LRRC63: variants seen among roughly 807,000 people sequenced by gnomAD.
LRRC63 encodes leucine rich repeat containing 63, also known as leucine-rich repeat-containing protein 63.
A neutral mutation model predicts 49.5 loss-of-function variants in LRRC63; 40 were observed. That is an observed-to-expected ratio of 0.81 (90% CI 0.63 to 1.05). The LOEUF is 1.05. Among genes scored for constraint, LRRC63 ranks in the 50% least tolerant of loss-of-function variants. LRRC63 has a pLI of 0.00. For synonymous variants in LRRC63, 191 were observed against 221.1 expected (o/e 0.86, Z 1.21); for missense variants, 636 against 663.1 (o/e 0.96, Z 0.45).
At position 46,255,643 on chromosome 13, in the gene LRRC63, C is replaced by CAAAAAAAAAAA. The variant is rs1445296831; in HGVS notation, c.1226+5155_1226+5156insAAAAAAAAAAA. Among the ~76,000 whole-genome samples the CAAAAAAAAAAA allele has an allele frequency of 1.2e-3, 118 of 95,670 alleles. 1 individual carries two copies. Among genetic ancestry groups the CAAAAAAAAAAA allele is most frequent in the African/African-American group, 7.1e-3 (114 of 16,164 alleles). 62.8% of individuals were successfully genotyped at this position (95,670 alleles called of 152,430 possible). A position where few individuals can be genotyped will look rare whatever the true frequency, so the allele number is the denominator to read the frequency against. ...TGGGCAACAGAGTAAGACCCTGCCT[C>CAAAAAAAAAAA]AAATATATATATATATATATATAGT... On this transcript the variant is annotated intron_variant, in intron 7 of 9. Transcript: ENST00000595396.
intron 2 of LRRC63, among the ~76,000 whole-genome samples, chr13:46,226,457 T>C (rs2046579201): frequency 6.6e-6 from 1 of 152,238 alleles, no homozygotes; most frequent in South Asian, 2.1e-4. Flanking sequence ...GATTCTCTTA[T>C]ATTACTCTGA....
intron 7 of LRRC63, among the ~76,000 whole-genome samples, chr13:46,259,566 A>G (rs1189952376): frequency 6.6e-6 from 1 of 152,228 alleles, no homozygotes; most frequent in African/African-American, 2.4e-5. Context: ...AGAACCGAAC[A>G]GCCTATTTGA....
At chr13:46,276,929 C>T (rs1342628794) in exon 10 of LRRC63, 1 of 156,770 alleles carries the variant, frequency 6.4e-6, no homozygotes, top group African/African-American at 2.6e-5. Flanking sequence ...TATATATCTG[C>T]ATATAGTAAT....
intron 8 of LRRC63, among the ~76,000 whole-genome samples, chr13:46,264,373 G>A (rs1284130560): frequency 6.6e-6 from 1 of 151,866 alleles, no homozygotes; most frequent in Non-Finnish European, 1.5e-5. Flanking sequence ...TTACATGTTA[G>A]GTCTCCTAGA....
At chr13:46,275,378 T>C (rs1362767006) in intron 9 of LRRC63, among the ~76,000 whole-genome samples, 1 of 152,162 alleles carries the variant, frequency 6.6e-6, no homozygotes, top group Non-Finnish European at 1.5e-5. Flanking sequence ...TTATTTTTAG[T>C]TTTTTGAGAA....
intron 9 of LRRC63, among the ~76,000 whole-genome samples, chr13:46,267,503 G>A (rs2047699493): frequency 6.6e-6 from 1 of 152,170 alleles, no homozygotes; most frequent in South Asian, 2.1e-4. Context: ...GGTAGAAGAC[G>A]ATTTTCATTG....
At chr13:46,228,558 A>G in intron 3 of LRRC63, 107 bp from the exon 4 acceptor site, 1 of 699,106 alleles carries the variant, frequency 1.4e-6, no homozygotes, top group Non-Finnish European at 2.5e-6. Context: ...ATTTTCATGG[A>G]TAATTGGAAT....
chr13:46,222,508 T>TTA (rs760850484), intron 2 of LRRC63, among the ~76,000 whole-genome samples: 3 of 152,208 alleles, frequency 2.0e-5, no homozygotes, highest in Non-Finnish European at 2.9e-5. Context: ...ACACTGTTTA[T>TTA]TAAAGAGGGT....
In LRRC63 at chr13:46,252,660, A is replaced by G. The variant is rs1489614543; in HGVS notation, c.1226+2169A>G. Reference sequence around the variant, plus strand: ...GGTTCCCTGGAAGATGTAGTATTTGATCCAAAGTTGACTGAGTGTGAATTA... The same window carrying G: ...GGTTCCCTGGAAGATGTAGTATTTGGTCCAAAGTTGACTGAGTGTGAATTA... On this transcript the variant is annotated intron_variant, in intron 7 of 9. Coordinates refer to ENST00000595396, the Ensembl canonical transcript of LRRC63. Among the ~76,000 whole-genome samples the G allele has an allele frequency of 2.6e-5, 4 of 152,188 alleles. No homozygotes were observed. In the East Asian group the frequency reaches 7.7e-4, roughly 29 times the overall value.
intron 9 of LRRC63, among the ~76,000 whole-genome samples, chr13:46,275,971 ATGGTATTTCTTTGC>A (rs2047830489): frequency 6.6e-6 from 1 of 152,096 alleles, no homozygotes. Flanking sequence ...TGATTGTGAA[ATGGTATTTCTTTGC>A]TATTTTGTTT....
chr13:46,238,189 C>T (rs1247480186), intron 5 of LRRC63, among the ~76,000 whole-genome samples: 6 of 152,108 alleles, frequency 3.9e-5, no homozygotes, highest in Non-Finnish European at 7.4e-5. Context: ...ACTGAGACTC[C>T]CTCACAATGA....
chr13:46,255,895 C>T (rs1359727014), intron 7 of LRRC63, among the ~76,000 whole-genome samples: 7 of 152,032 alleles, frequency 4.6e-5, no homozygotes, highest in Non-Finnish European at 2.9e-5. Flanking sequence ...CTAGTCAATT[C>T]CCAGACTTCT....
chr13:46,236,796 C>A (rs189325225), intron 5 of LRRC63, among the ~76,000 whole-genome samples: 1 of 152,040 alleles, frequency 6.6e-6, no homozygotes, highest in African/African-American at 2.4e-5. Flanking sequence ...TTTTGGTTAT[C>A]GGTTTATATT....
intron 7 of LRRC63, among the ~76,000 whole-genome samples, chr13:46,260,118 T>C (rs2047590446): frequency 6.6e-6 from 1 of 152,200 alleles, no homozygotes; most frequent in Non-Finnish European, 1.5e-5. Context: ...CTATTCAGCT[T>C]CCTCAGTGCT....
chr13:46,237,726 G>A (rs891283650), intron 5 of LRRC63, among the ~76,000 whole-genome samples: 2 of 151,896 alleles, frequency 1.3e-5, no homozygotes, highest in Non-Finnish European at 2.9e-5. Flanking sequence ...GAGAGAGAAT[G>A]TACAAATAAC....
intron 8 of LRRC63, among the ~76,000 whole-genome samples, chr13:46,264,345 T>TC (rs1233974672): frequency 6.6e-6 from 1 of 152,224 alleles, no homozygotes; most frequent in Non-Finnish European, 1.5e-5. Context: ...CGTATTTTCT[T>TC]CCTAAAATGC....
chr13:46,227,911 C>G (rs1262404785), exon 3 of LRRC63: 2 of 1,550,594 alleles, frequency 1.3e-6, no homozygotes, highest in Admixed American at 3.9e-5. Context: ...CCTAAAAGTA[C>G]TCCTGGCTCA....
At chr13:46,273,877 A>T (rs982364775) in intron 9 of LRRC63, among the ~76,000 whole-genome samples, 4 of 149,276 alleles carry the variant, frequency 2.7e-5, no homozygotes, top group Admixed American at 6.8e-5. Context: ...ATGCCAGTGG[A>T]CTCCAGCCTG....
intron 4 of LRRC63, among the ~76,000 whole-genome samples, chr13:46,230,135 G>T (rs1413815065): frequency 6.6e-6 from 1 of 152,004 alleles, no homozygotes; most frequent in Non-Finnish European, 1.5e-5. Context: ...ATTTAGAGGG[G>T]ACAACATCCA....
Sources: gnomAD v4.1 joint callset for allele counts (sites outside exome capture counted in the v4.1 genomes callset) on GRCh38, gnomAD v4.1.1 for gene constraint, MANE v1.5 for transcripts, NCBI Gene and HGNC (gene_info 2026-07-23, HGNC 2026-07-21) for gene names.